FREM3: variants seen among roughly 807,000 people sequenced by gnomAD.
FREM3 encodes FRAS1-related extracellular matrix protein 3.
In FREM3, 105 loss-of-function variants were observed where a neutral mutation model predicts 129.1. The observed-to-expected ratio is 0.81, with a 90% CI of 0.69 to 0.96. FREM3 has a LOEUF of 0.96. FREM3 is among the 40% of genes least tolerant of loss of function. FREM3 has a pLI of 0.00. For missense variants in FREM3, 2,593 were observed against 2,666.3 expected (o/e 0.97, Z 0.61); for synonymous variants, 1,014 against 1,044.9 (o/e 0.97, Z 0.57).
intron 3 of FREM3, among the ~76,000 whole-genome samples, chr4:143,626,956 A>G (rs1165453033): frequency 2.0e-5 from 3 of 152,186 alleles, no homozygotes; most frequent in Non-Finnish European, 2.9e-5. Flanking sequence ...ATAAAGGCAA[A>G]ATGATTTCTG....
Position 143,698,616 on chromosome 4 carries a change from T to A in FREM3, c.2060A>T (p.Lys687Ile). 6.5e-7 allele frequency: 1 copy of A among 1,537,790 alleles called. No individual in the cohort carries two copies. The highest frequency in any genetic ancestry group is 8.7e-7 in the Non-Finnish European group (1 of 1,147,034). ...QDDHDPPNLS[K>I]QHIFTIKVQP... ...GACCTTGATGGTGAAAATGTGCTGTTTGGAGAGATTGGGTGGGTCATGGTC... is the reference window on the plus strand; with the variant it reads ...GACCTTGATGGTGAAAATGTGCTGTATGGAGAGATTGGGTGGGTCATGGTC... Residue 687 changes from lysine (K) to isoleucine (I), a missense_variant, in exon 1 of 8, where the codon AAA (lysine) becomes ATA (isoleucine). Around this residue, in one of 2 missense-constraint regions of FREM3, gnomAD observed 2,276 missense variants for 2,267.2 expected, o/e 1.00. Transcript: ENST00000329798.
chr4:143,676,621 A>T (rs1473156307), intron 2 of FREM3, among the ~76,000 whole-genome samples: 1 of 152,234 alleles, frequency 6.6e-6, no homozygotes, highest in Non-Finnish European at 1.5e-5. Context: ...TGCAGATGAC[A>T]TGATTGTATA....
chr4:143,695,206 A>G (rs1247933400), intron 1 of FREM3, among the ~76,000 whole-genome samples: 1 of 152,182 alleles, frequency 6.6e-6, no homozygotes, highest in Non-Finnish European at 1.5e-5. Context: ...TTATCTTCTA[A>G]TATTTCAGAA....
At chr4:143,639,998 T>G (rs1178818295) in intron 2 of FREM3, among the ~76,000 whole-genome samples, 1 of 152,150 alleles carries the variant, frequency 6.6e-6, no homozygotes, top group African/African-American at 2.4e-5. Flanking sequence ...TTACTGACTT[T>G]GGAGCACACA....
chr4:143,662,887 C>G (rs923019589), intron 2 of FREM3, among the ~76,000 whole-genome samples: 6 of 151,974 alleles, frequency 3.9e-5, no homozygotes, highest in African/African-American at 1.2e-4. Flanking sequence ...TGTGTTTTAT[C>G]AGAAACTAGG....
At position 143,697,400 on chromosome 4, in the gene FREM3, A is replaced by T. The variant is rs1740594878; in HGVS notation, c.3276T>A (p.His1092Gln). The change falls in exon 1 of 8, where the codon CAT (histidine) becomes CAA (glutamine). Residue 1092 changes from histidine to glutamine, a missense_variant. His to Gln is a conservative substitution (Grantham distance 24). Coordinates refer to ENST00000329798, the MANE Select transcript of FREM3 (RefSeq NM_001168235.2). ...GAGTGTCCACATCTTCAACATGGAG[A>T]TGTTGTAAGGTCAAGGAGTTCTTCT... Reference protein sequence around the residue: ...EGEKNSLTLQHLHVEDVDTHQ... With the variant: ...EGEKNSLTLQQLHVEDVDTHQ... The T allele has an allele frequency of 6.5e-7, 1 of 1,537,150 alleles. No homozygotes were observed.
In FREM3 at chr4:143,698,627, G is replaced by T. The variant is rs1435099934; in HGVS notation, c.2049C>A (p.Pro683=). ...TGAAAATGTGCTGTTTGGAGAGATT[G>T]GGTGGGTCATGGTCATCCTGCACAT... ...AFHVQDDHDP[P]NLSKQHIFTI... The change falls in exon 1 of 8, where the codon CCC becomes CCA. Residue 683 remains proline, a synonymous_variant. Transcript: ENST00000329798. 6.5e-7 allele frequency: 1 copy of T among 1,537,814 alleles called. No homozygotes were observed. The highest frequency in any genetic ancestry group is 1.2e-5 in the South Asian group (1 of 84,060).
chr4:143,665,241 G>A (rs1194935321), intron 2 of FREM3, among the ~76,000 whole-genome samples: 4 of 152,010 alleles, frequency 2.6e-5, no homozygotes, highest in Admixed American at 1.3e-4. Flanking sequence ...GCTCCTCCCC[G>A]ATTATTGGTC....
chr4:143,588,211 T>C (rs1046266302), intron 6 of FREM3, among the ~76,000 whole-genome samples: 1 of 152,170 alleles, frequency 6.6e-6, no homozygotes. Context: ...GCAAAAATGT[T>C]AAATTTACCA....
chr4:143,698,848 G>C lies in FREM3; in HGVS notation c.1828C>G (p.Leu610Val). The change falls in exon 1 of 8, where the codon CTG becomes GTG. Residue 610 changes from leucine (L) to valine (V), a missense_variant. Leu to Val is a conservative substitution (Grantham distance 32). Coordinates refer to ENST00000329798, the MANE Select transcript of FREM3 (RefSeq NM_001168235.2). ...APGSSHSGHYLGDLLLQQAEL... is the reference protein window; with the variant it reads ...APGSSHSGHYVGDLLLQQAEL... ...GCCTGCTGCAGCAACAGGTCCCCCA[G>C]GTAGTGGCCTGAGTGGGAGGAACCA... The C allele has an allele frequency of 1.3e-6, 2 of 1,537,762 alleles. No homozygotes were observed. The highest frequency in any genetic ancestry group is 1.7e-6 in the Non-Finnish European group (2 of 1,147,020).
At chr4:143,679,797 T>C (rs1480800376) in intron 2 of FREM3, among the ~76,000 whole-genome samples, 1 of 152,180 alleles carries the variant, frequency 6.6e-6, no homozygotes, top group East Asian at 1.9e-4. Flanking sequence ...TTGTTCACCA[T>C]GTATACAGGA....
At chr4:143,671,815 A>G (rs1739999078) in intron 2 of FREM3, among the ~76,000 whole-genome samples, 1 of 152,226 alleles carries the variant, frequency 6.6e-6, no homozygotes. Flanking sequence ...TTGATACATG[A>G]GAAATGCAGC....
intron 2 of FREM3, among the ~76,000 whole-genome samples, chr4:143,677,643 A>G (rs996183404): frequency 7.9e-5 from 12 of 152,360 alleles, no homozygotes; most frequent in Admixed American, 7.8e-4. Context: ...CAATCTACTC[A>G]TCTGACAAAG....
chr4:143,688,487 A>T (rs1399013279), intron 2 of FREM3, among the ~76,000 whole-genome samples: 1 of 152,142 alleles, frequency 6.6e-6, no homozygotes, highest in Admixed American at 6.6e-5. Flanking sequence ...TCCCATCAAA[A>T]TACCACCATA....
chr4:143,695,972 TG>T lies in FREM3; in HGVS notation c.4703del (p.Pro1568GlnfsTer26), dbSNP rs765137403. 125 of 1,537,760 alleles carry T rather than the reference TG, an allele frequency of 8.1e-5. No individual in the cohort carries two copies. Among genetic ancestry groups the T allele is most frequent in the Non-Finnish European group, 1.1e-4 (123 of 1,147,052 alleles). On this transcript the variant is annotated frameshift_variant, in exon 1 of 8. Coordinates refer to ENST00000329798, the MANE Select transcript of FREM3 (RefSeq NM_001168235.2). LOFTEE classifies it high-confidence loss of function. ...LELTVEDSDT[P>X]DDLILFTITQ... ...TGATGGTAAAGAGAATAAGGTCATC[TG>T]GGGTATCACTGTCTTCCACTGTCAA...
intron 2 of FREM3, among the ~76,000 whole-genome samples, chr4:143,671,384 C>A (rs542355503): frequency 1.3e-5 from 2 of 152,174 alleles, no homozygotes; most frequent in African/African-American, 2.4e-5. Flanking sequence ...AATATTTAGG[C>A]CATAGATAAA....
intron 2 of FREM3, among the ~76,000 whole-genome samples, chr4:143,644,326 C>T (rs991141583): frequency 7.9e-5 from 12 of 152,224 alleles, no homozygotes; most frequent in African/African-American, 2.9e-4. Flanking sequence ...CATACGTGAG[C>T]TCTTTCCATT....
At chr4:143,622,421 T>TC (rs1491312347) in intron 4 of FREM3, among the ~76,000 whole-genome samples, 3 of 131,362 alleles carry the variant, frequency 2.3e-5, no homozygotes, top group Non-Finnish European at 3.3e-5. Context: ...TTTTTTTTTT[T>TC]CCCATTTTGG....
rs562471647 is a variant in FREM3, at chr4:143,646,223, A to C, written c.5276-18463T>G. On this transcript the variant is annotated intron_variant, in intron 2 of 7. Transcript: ENST00000329798. ...GGAAGAATAAGACATACAACATGAAAGCTTAAGAATGTTTTACATAAAATA... is the reference window on the plus strand; with the variant it reads ...GGAAGAATAAGACATACAACATGAACGCTTAAGAATGTTTTACATAAAATA... 3.3e-5 allele frequency among the ~76,000 whole-genome samples: 5 copies of C among 152,376 alleles called. No homozygotes were observed. The East Asian group carries it at 9.6e-4, about 29-fold the overall frequency.
Sources: gnomAD v4.1 joint callset for allele counts (sites outside exome capture counted in the v4.1 genomes callset) on GRCh38, gnomAD v4.1.1 for gene constraint, gnomAD v4.1.1 regional missense constraint, MANE v1.5 for transcripts, NCBI Gene and HGNC (gene_info 2026-07-23, HGNC 2026-07-21) for gene names.